Variants in SCGN observed in about 807,000 individuals in gnomAD.
SCGN encodes secretagogin.
A neutral mutation model predicts 39.7 loss-of-function variants in SCGN; 30 were observed. The observed-to-expected ratio is 0.76, with a 90% confidence interval of 0.57 to 1.03. The LOEUF is 1.03. Ranked by LOEUF, SCGN falls within the 50% of genes least tolerant of loss-of-function variation. The pLI is 0.00. For synonymous variants in SCGN, 106 were observed against 114.1 expected (o/e 0.93, Z 0.45); for missense variants, 353 against 349.4 (o/e 1.01, Z -0.08).
At chr6:25,657,973 G>T (rs1760257064) in intron 2 of SCGN, among the ~76,000 whole-genome samples, 1 of 89,582 alleles carries the variant, frequency 1.1e-5, no homozygotes, top group Non-Finnish European at 2.2e-5. Context: ...CACATTTTTA[G>T]TCTGGTGTGT....
At chr6:25,698,951 T>C (rs577917282) in intron 10 of SCGN, among the ~76,000 whole-genome samples, 5 of 152,304 alleles carry the variant, frequency 3.3e-5, no homozygotes, top group African/African-American at 1.2e-4. Flanking sequence ...TTTACCCCAT[T>C]GGACAGTGCA....
At chr6:25,668,108 C>A (rs1759417787) in intron 4 of SCGN, among the ~76,000 whole-genome samples, 1 of 152,084 alleles carries the variant, frequency 6.6e-6, no homozygotes, top group Non-Finnish European at 1.5e-5. Flanking sequence ...CCTACTATTC[C>A]TGCAGAGTCT....
chr6:25,679,557 A>G (rs1759609132), intron 6 of SCGN, among the ~76,000 whole-genome samples: 1 of 152,032 alleles, frequency 6.6e-6, no homozygotes, highest in South Asian at 2.1e-4. Flanking sequence ...TTGCTCATGG[A>G]GCTCAGGCTG....
At chr6:25,666,651 G>A (rs1451026215) in intron 4 of SCGN, among the ~76,000 whole-genome samples, 1 of 152,076 alleles carries the variant, frequency 6.6e-6, no homozygotes. Context: ...TGAAGATCAA[G>A]TTTTCAAAAA....
Position 25,660,967 on chromosome 6 carries a change from C to T in SCGN, c.154-585C>T, listed in dbSNP as rs142066016. On this transcript the variant is annotated intron_variant, in intron 2 of 10. Transcript: ENST00000377961. ...CATATGTCACTTTTACTGTAGTAACCATAAAATCCACCAAAGAAGACAATT... is the reference window on the plus strand; with the variant it reads ...CATATGTCACTTTTACTGTAGTAACTATAAAATCCACCAAAGAAGACAATT... Among the ~76,000 whole-genome samples the T allele has an allele frequency of 3.3e-3, 510 of 152,254 alleles. 2 individuals are homozygous for T. Among genetic ancestry groups the T allele is most frequent in the African/African-American group, 0.012 (501 of 41,558 alleles).
intron 4 of SCGN, among the ~76,000 whole-genome samples, chr6:25,667,602 G>A (rs1177570009): frequency 1.3e-5 from 2 of 151,978 alleles, no homozygotes; most frequent in African/African-American, 4.8e-5. Flanking sequence ...TTGCCCATGT[G>A]TCACCACATG....
At position 25,669,576 on chromosome 6, in the gene SCGN, C is replaced by A. The variant is rs751185616; in HGVS notation, c.393+9C>A. 3.1e-6 allele frequency: 5 copies of A among 1,610,712 alleles called. No homozygotes were observed. The highest frequency in any genetic ancestry group is 4.2e-6 in the Non-Finnish European group (5 of 1,177,146). ...CAGCTGCTGAGCTCCGCGTGAGTGTCACTGGGTGAAGGGTGGGTTTGTTTA... is the reference window on the plus strand; with the variant it reads ...CAGCTGCTGAGCTCCGCGTGAGTGTAACTGGGTGAAGGGTGGGTTTGTTTA... On this transcript the variant is annotated intron_variant, in intron 5 of 10. Coordinates refer to ENST00000377961, the MANE Select transcript of SCGN (RefSeq NM_006998.4).
chr6:25,691,157 G>A (rs988701199), intron 10 of SCGN, 33 bp downstream of exon 10: 2 of 1,513,086 alleles, frequency 1.3e-6, no homozygotes, highest in African/African-American at 1.4e-5. Flanking sequence ...ATGAAGTGGG[G>A]TTGTTGTTTT....
chr6:25,692,773 G>A (rs1356438333), intron 10 of SCGN, among the ~76,000 whole-genome samples: 1 of 152,148 alleles, frequency 6.6e-6, no homozygotes, highest in African/African-American at 2.4e-5. Context: ...TTGAAGGGGT[G>A]GTTTCCAGAG....
At chr6:25,680,054 ATT>A (rs1027038990) in intron 6 of SCGN, among the ~76,000 whole-genome samples, 1 of 152,036 alleles carries the variant, frequency 6.6e-6, no homozygotes, top group South Asian at 2.1e-4. Flanking sequence ...ACAAACGCAG[ATT>A]TTTTTTACAT....
intron 6 of SCGN, among the ~76,000 whole-genome samples, chr6:25,677,205 A>G (rs762480024): frequency 1.3e-5 from 2 of 151,668 alleles, no homozygotes; most frequent in African/African-American, 2.4e-5. Context: ...CTGAATTCTT[A>G]TCTCCTTCCT....
rs145754257 is a variant in SCGN at position 25,670,014 on chromosome 6, C to T, written c.409C>T (p.Leu137Phe). The T allele has an allele frequency of 6.2e-7, 1 of 1,613,674 alleles. No individual in the cohort carries two copies. The highest frequency in any genetic ancestry group is 8.5e-7 in the Non-Finnish European group (1 of 1,179,658). Residue 137 changes from leucine to phenylalanine, a missense_variant, in exon 6 of 11, where the codon CTC becomes TTC. Physicochemically the swap from Leu to Phe is conservative, Grantham distance 22. Transcript: ENST00000377961. ...GGCGCCACAGAACTTCCTCCGAGAC[C>T]TCTTTCTTCACCACAAAAAGGCCAT... ...AAELRNFLRD[L>F]FLHHKKAISE...
At chr6:25,696,503 A>G (rs1366195331) in intron 10 of SCGN, among the ~76,000 whole-genome samples, 1 of 152,192 alleles carries the variant, frequency 6.6e-6, no homozygotes, top group East Asian at 1.9e-4. Context: ...CCCTATTACT[A>G]ATAATTTAGA....
At chr6:25,686,476 T>C (rs1349256731) in intron 7 of SCGN, among the ~76,000 whole-genome samples, 4 of 152,192 alleles carry the variant, frequency 2.6e-5, no homozygotes, top group Non-Finnish European at 5.9e-5. Context: ...TATGTTTTAT[T>C]GGCAATTTGT....
At chr6:25,658,343 T>C (rs1462051297) in intron 2 of SCGN, among the ~76,000 whole-genome samples, 1 of 151,886 alleles carries the variant, frequency 6.6e-6, no homozygotes, top group East Asian at 1.9e-4. Flanking sequence ...CCATCTGGTA[T>C]TCATTTTTTT....
rs1760171782 is a variant in SCGN at position 25,653,457 on chromosome 6, G to A, written c.153+5G>A. ...TTGATGAAACTGGGTACTGATGTAA[G>A]TACTTGCACACTAAGCCTTAATTTA... On this transcript the variant is annotated splice_donor_5th_base_variant and intron_variant, in intron 2 of 10. Transcript: ENST00000377961. 6.2e-7 allele frequency: 1 copy of A among 1,608,052 alleles called. No individual in the cohort carries two copies. Among genetic ancestry groups the A allele is most frequent in the Non-Finnish European group, 8.5e-7 (1 of 1,175,100 alleles).
chr6:25,656,008 G>T (rs549752093), intron 2 of SCGN, among the ~76,000 whole-genome samples: 1 of 152,326 alleles, frequency 6.6e-6, no homozygotes, highest in South Asian at 2.1e-4. Context: ...GAGTGTGTTT[G>T]CAGGGACTTT....
chr6:25,670,615 T>C (rs941050079), intron 6 of SCGN, among the ~76,000 whole-genome samples: 1 of 152,254 alleles, frequency 6.6e-6, no homozygotes, highest in Non-Finnish European at 1.5e-5. Flanking sequence ...ACCTAATTCC[T>C]GTGAGGGAAA....
At chr6:25,676,374 C>T (rs1304932953) in intron 6 of SCGN, among the ~76,000 whole-genome samples, 2 of 152,190 alleles carry the variant, frequency 1.3e-5, no homozygotes, top group Non-Finnish European at 2.9e-5. Context: ...CCAAAGTTCT[C>T]ACACCAACTG....
Sources: allele counts gnomAD v4.1 joint callset (sites outside exome capture counted in the v4.1 genomes callset), GRCh38; gene constraint gnomAD v4.1.1; transcripts MANE v1.5; gene names NCBI Gene and HGNC (gene_info 2026-07-23, HGNC 2026-07-21).